The following SLC4A10 variants were observed in gnomAD, a reference collection of about 807,000 sequenced individuals.
SLC4A10 encodes sodium-driven chloride bicarbonate exchanger.
Under a neutral mutation model 137.7 loss-of-function variants are expected in SLC4A10, and 42 were observed. The observed-to-expected ratio is 0.30, with a 90% CI of 0.24 to 0.39. The LOEUF (loss-of-function observed/expected upper bound fraction) is 0.39. SLC4A10 is among the 10% of genes least tolerant of loss of function. The pLI is 1.00. For missense variants in SLC4A10, 925 were observed against 1,355.0 expected (o/e 0.68, Z 4.98); for synonymous variants, 474 against 464.1 (o/e 1.02, Z -0.27).
At chr2:161,709,008 A>C (rs1191587295) in intron 1 of SLC4A10, among the ~76,000 whole-genome samples, 1 of 150,784 alleles carries the variant, frequency 6.6e-6, no homozygotes, top group African/African-American at 2.4e-5. Flanking sequence ...ATGTGTGTGT[A>C]TGTGTGTGCC....
At chr2:161,859,253 C>A (rs574158364) in intron 5 of SLC4A10, among the ~76,000 whole-genome samples, 5 of 150,564 alleles carry the variant, frequency 3.3e-5, no homozygotes, top group South Asian at 4.3e-4. Context: ...TTTTCTGAGG[C>A]CTTTTTCCAC....
chr2:161,907,924 T>A lies in SLC4A10; in HGVS notation c.1997+2037T>A, dbSNP rs138310938. On this transcript the variant is annotated intron_variant, in intron 15 of 26. Transcript: ENST00000446997. ...AATAAAACAGGTAAAATCAGAACTA[T>A]TCTGTTTCAAGTGGTAGGAAGGCAC... Among the ~76,000 whole-genome samples, 348 of 152,284 alleles carry A rather than the reference T, an allele frequency of 2.3e-3. 1 individual carries two copies. Among genetic ancestry groups the A allele is most frequent in the African/African-American group, 8.0e-3 (334 of 41,560 alleles).
intron 1 of SLC4A10, among the ~76,000 whole-genome samples, chr2:161,670,680 AG>A: frequency 6.6e-6 from 1 of 152,118 alleles, no homozygotes; most frequent in South Asian, 2.1e-4. Context: ...GTGTTTTTAT[AG>A]TTTGGTCCAA....
intron 1 of SLC4A10, among the ~76,000 whole-genome samples, chr2:161,761,158 C>G (rs547146057): frequency 1.3e-4 from 20 of 152,152 alleles, no homozygotes; most frequent in African/African-American, 4.8e-4. Context: ...AGACTTGCAT[C>G]TAGATGTTAT....
chr2:161,745,646 C>T (rs2048316200), intron 1 of SLC4A10, among the ~76,000 whole-genome samples: 1 of 152,014 alleles, frequency 6.6e-6, no homozygotes. Flanking sequence ...GTCTGGGTGT[C>T]GAAGAGTTAT....
At chr2:161,838,252 T>A (rs965352450) in intron 3 of SLC4A10, among the ~76,000 whole-genome samples, 5 of 149,822 alleles carry the variant, frequency 3.3e-5, no homozygotes, top group Admixed American at 6.7e-5. Context: ...TGGTATGATA[T>A]TGGAACAATT....
intron 15 of SLC4A10, among the ~76,000 whole-genome samples, chr2:161,921,299 A>G (rs772196358): frequency 1.2e-4 from 18 of 152,230 alleles, no homozygotes; most frequent in Non-Finnish European, 2.1e-4. Flanking sequence ...TACGCAGAGT[A>G]GAATGGACCT....
At chr2:161,947,443 G>C (rs571262850) in intron 16 of SLC4A10, 123 bp from the exon 17 acceptor site, 478 of 959,404 alleles carry the variant, frequency 5.0e-4, no homozygotes, top group Admixed American at 1.9e-3. Flanking sequence ...CTAAATCATT[G>C]TGAGAGCCAT....
At chr2:161,927,391 C>T (rs1440157819) in intron 15 of SLC4A10, among the ~76,000 whole-genome samples, 1 of 152,144 alleles carries the variant, frequency 6.6e-6, no homozygotes, top group Non-Finnish European at 1.5e-5. Flanking sequence ...AGTTCTCAAG[C>T]CTTGGCTTTC....
intron 5 of SLC4A10, among the ~76,000 whole-genome samples, chr2:161,858,555 A>G (rs955471690): frequency 2.0e-5 from 3 of 152,186 alleles, no homozygotes; most frequent in African/African-American, 7.2e-5. Flanking sequence ...AATTCTCCAG[A>G]TATATCTTCT....
At chr2:161,896,263 A>T (rs566913282) in intron 11 of SLC4A10, among the ~76,000 whole-genome samples, 1 of 151,652 alleles carries the variant, frequency 6.6e-6, no homozygotes, top group South Asian at 2.1e-4. Flanking sequence ...GTTCTGTTCC[A>T]TTGATCTATA....
At chr2:161,901,540 C>G (rs1683116108) in intron 12 of SLC4A10, among the ~76,000 whole-genome samples, 1 of 152,068 alleles carries the variant, frequency 6.6e-6, no homozygotes, top group Non-Finnish European at 1.5e-5. Context: ...TTTTTGACAG[C>G]TTGTCTCTCT....
At chr2:161,726,390 C>T (rs1021901043) in intron 1 of SLC4A10, among the ~76,000 whole-genome samples, 1 of 151,914 alleles carries the variant, frequency 6.6e-6, no homozygotes, top group African/African-American at 2.4e-5. Context: ...GTTAAAAAGA[C>T]AACTAAGGGA....
chr2:161,666,022 T>C (rs1488293704), intron 1 of SLC4A10, among the ~76,000 whole-genome samples: 1 of 150,606 alleles, frequency 6.6e-6, no homozygotes, highest in East Asian at 1.9e-4. Context: ...ATTGTAATGA[T>C]ACTACTTGTG....
At chr2:161,826,888 A>G (rs1281012852) in intron 3 of SLC4A10, among the ~76,000 whole-genome samples, 1 of 152,172 alleles carries the variant, frequency 6.6e-6, no homozygotes, top group African/African-American at 2.4e-5. Flanking sequence ...CACAGTTCTC[A>G]TTGACCACCC....
At chr2:161,704,612 C>T (rs962216504) in intron 1 of SLC4A10, among the ~76,000 whole-genome samples, 2 of 151,526 alleles carry the variant, frequency 1.3e-5, no homozygotes, top group African/African-American at 4.8e-5. Context: ...AAAAATCAGA[C>T]ATTTTGTCTA....
At chr2:161,803,587 T>C (rs1459733387) in intron 2 of SLC4A10, among the ~76,000 whole-genome samples, 2 of 152,182 alleles carry the variant, frequency 1.3e-5, no homozygotes, top group Non-Finnish European at 2.9e-5. Context: ...TTTTAGCTTT[T>C]CCAGAATGTC....
At chr2:161,886,048 G>A (rs933640629) in intron 10 of SLC4A10, among the ~76,000 whole-genome samples, 11 of 152,066 alleles carry the variant, frequency 7.2e-5, no homozygotes, top group Non-Finnish European at 1.0e-4. Flanking sequence ...GCAGTGAGCT[G>A]AGATGGCACC....
At chr2:161,952,458 A>G (rs987089007) in intron 19 of SLC4A10, among the ~76,000 whole-genome samples, 1 of 152,214 alleles carries the variant, frequency 6.6e-6, no homozygotes, top group African/African-American at 2.4e-5. Context: ...TTATAGAATT[A>G]AATGCAGAAC....
Sources: gnomAD v4.1 joint callset for allele counts (sites outside exome capture counted in the v4.1 genomes callset) on GRCh38, gnomAD v4.1.1 for gene constraint, MANE v1.5 for transcripts, NCBI Gene and HGNC (gene_info 2026-07-23, HGNC 2026-07-21) for gene names.